The following TPO variants were observed in gnomAD, a reference collection of about 807,000 sequenced individuals.
TPO encodes thyroid peroxidase, also known as thyroid microsomal antigen.
A neutral mutation model predicts 96.9 loss-of-function variants in TPO; 78 were observed. The ratio of observed to expected loss-of-function variants is 0.81; its 90% CI spans 0.67 to 0.97. TPO has a LOEUF of 0.97. TPO is among the 50% of genes least tolerant of loss of function. TPO has a pLI of 0.00. For synonymous variants in TPO, 547 were observed against 538.0 expected (o/e 1.02, Z -0.23); for missense variants, 1,252 against 1,274.8 (o/e 0.98, Z 0.27).
intron 2 of TPO, among the ~76,000 whole-genome samples, chr2:1,418,234 G>A (rs1479840959): frequency 1.3e-5 from 2 of 149,170 alleles, no homozygotes; most frequent in Admixed American, 1.3e-4. Flanking sequence ...TTGCAGAGTC[G>A]AGATCACACC....
upstream of TPO, among the ~76,000 whole-genome samples, chr2:1,409,113 G>T (rs949041690): frequency 2.6e-5 from 4 of 152,228 alleles, no homozygotes; most frequent in African/African-American, 9.6e-5. Context: ...TCCATGAGAG[G>T]AGCCTCACAT....
Position 1,396,075 on chromosome 2 carries a change from G to A in TPO, n.180+21673G>A, listed in dbSNP as rs543374134. ...GATGCTTCCTGTGAGCTGCCACTAA[G>A]CTCTGCTCTGCTGGAAGCTCACGTG... On this transcript the variant is annotated intron_variant and non_coding_transcript_variant, in intron 1 of 5. Coordinates refer to the TPO transcript ENST00000497517. 2.0e-5 allele frequency among the ~76,000 whole-genome samples: 3 copies of A among 152,352 alleles called. No individual in the cohort carries two copies. In the East Asian group the frequency reaches 5.8e-4, roughly 29 times the overall value.
At chr2:1,504,270 C>T (rs942365950) in intron 14 of TPO, among the ~76,000 whole-genome samples, 191 bp downstream of exon 14, 6 of 152,206 alleles carry the variant, frequency 3.9e-5, no homozygotes, top group Admixed American at 3.9e-4. Context: ...CTTCGTGTGC[C>T]TGCTGTCTGC....
At chr2:1,452,264 T>C (rs1667375419) in intron 5 of TPO, among the ~76,000 whole-genome samples, 1 of 152,234 alleles carries the variant, frequency 6.6e-6, no homozygotes, top group East Asian at 1.9e-4. Flanking sequence ...TGCATAGAGA[T>C]AAATATTTAT....
chr2:1,503,823 C>T, intron 13 of TPO, 125 bp from the exon 14 acceptor site: 2 of 1,569,076 alleles, frequency 1.3e-6, no homozygotes, highest in Middle Eastern at 3.3e-4. Flanking sequence ...CCCCCTAGAC[C>T]AGGTGGGATG....
chr2:1,523,779 C>G (rs1220597186), intron 15 of TPO, among the ~76,000 whole-genome samples: 6 of 118,664 alleles, frequency 5.1e-5, no homozygotes, highest in Non-Finnish European at 8.5e-5. Context: ...GCAACCTCTT[C>G]TAATCCCCTC....
chr2:1,499,478 G>C (rs996855397), intron 13 of TPO, among the ~76,000 whole-genome samples: 5 of 152,084 alleles, frequency 3.3e-5, no homozygotes, highest in Non-Finnish European at 5.9e-5. Context: ...AGGGTGCAGG[G>C]GCCTGTCTCG....
At chr2:1,542,386 C>T (rs775295266) in intron 16 of TPO, 35 bp from the exon 17 acceptor site, 1 of 1,613,432 alleles carries the variant, frequency 6.2e-7, no homozygotes, top group East Asian at 2.2e-5. Flanking sequence ...AGTCAGAATT[C>T]AGACGTTATT....
chr2:1,424,712 T>C (rs4481033), intron 3 of TPO, among the ~76,000 whole-genome samples: 73,858 of 152,016 alleles, frequency 0.49, 18,333 homozygotes, highest in Middle Eastern at 0.57. Flanking sequence ...CCTTAAGAAA[T>C]ACTGTTTCTA....
At position 1,433,541 on chromosome 2, in the gene TPO, G is replaced by A; in HGVS notation, c.283G>A (p.Glu95Lys). Reference sequence around the variant, plus strand: ...GATTGCCCGAGCAGCAGAGATAATGGAAACATCAATACAAGCGATGAAAAG... The same window carrying A: ...GATTGCCCGAGCAGCAGAGATAATGAAAACATCAATACAAGCGATGAAAAG... ...GVIARAAEIM[E>K]TSIQAMKRKV... The change falls in exon 4 of 17, where the codon GAA (glutamate) becomes AAA (lysine). Residue 95 changes from glutamate (E) to lysine (K), a missense_variant. By Grantham distance (56) the Glu-to-Lys change is moderately conservative. Coordinates refer to ENST00000329066, the MANE Select transcript of TPO (RefSeq NM_001206744.2). 6.2e-7 allele frequency: 1 copy of A among 1,614,110 alleles called. No homozygotes were observed.
At chr2:1,488,473 T>C (rs911453022) in intron 10 of TPO, among the ~76,000 whole-genome samples, 5 of 151,886 alleles carry the variant, frequency 3.3e-5, no homozygotes, top group South Asian at 2.1e-4. Context: ...AGCAGCCCCC[T>C]GTGCTCCCCA....
chr2:1,433,249 C>T (rs950375470), intron 3 of TPO, among the ~76,000 whole-genome samples, 189 bp from the exon 4 acceptor site: 5 of 152,160 alleles, frequency 3.3e-5, no homozygotes, highest in Non-Finnish European at 7.3e-5. Context: ...CACCCTATTC[C>T]TGTTCCTAAA....
chr2:1,451,536 A>G (rs1464004651), intron 5 of TPO, among the ~76,000 whole-genome samples: 1 of 152,150 alleles, frequency 6.6e-6, no homozygotes, highest in Non-Finnish European at 1.5e-5. Flanking sequence ...CCTGCATCCT[A>G]GTCACGCCTG....
chr2:1,537,065 CCACTGTGTGCAACCTCACCAAATCCGT>C (rs1354080611), intron 15 of TPO, among the ~76,000 whole-genome samples: 17 of 94,976 alleles, frequency 1.8e-4, no homozygotes, highest in East Asian at 4.9e-4. Context: ...CAAATCCCTG[CCACTGTGTGCAACCTCACCAAATCCGT>C]CCACTGTGTG....
chr2:1,459,512 C>G (rs924681830), intron 7 of TPO, among the ~76,000 whole-genome samples: 3 of 152,186 alleles, frequency 2.0e-5, no homozygotes, highest in African/African-American at 7.2e-5. Context: ...CTCTAACATT[C>G]ATTCAATAAA....
At chr2:1,402,477 C>T (rs992509230) in intron 1 of TPO, among the ~76,000 whole-genome samples, 13 of 152,098 alleles carry the variant, frequency 8.5e-5, no homozygotes, top group Non-Finnish European at 1.5e-4. Context: ...TTTCCTGTTT[C>T]CTCAGTGAAT....
intron 1 of TPO, among the ~76,000 whole-genome samples, chr2:1,377,940 G>A (rs1176306079): frequency 1.3e-5 from 2 of 152,154 alleles, no homozygotes; most frequent in Admixed American, 6.5e-5. Flanking sequence ...TTCCACTTGT[G>A]GTGGGAGGGA....
intron 7 of TPO, among the ~76,000 whole-genome samples, chr2:1,476,155 G>C (rs539033414): frequency 4.9e-4 from 75 of 152,274 alleles, no homozygotes; most frequent in African/African-American, 1.7e-3. Flanking sequence ...TATTTTCACT[G>C]GTAATAATAA....
At chr2:1,443,195 G>T (rs1666362935) in intron 5 of TPO, among the ~76,000 whole-genome samples, 1 of 152,132 alleles carries the variant, frequency 6.6e-6, no homozygotes, top group Admixed American at 6.5e-5. Flanking sequence ...GTATGGTGTA[G>T]GCAATGCCGC....
Sources: allele counts gnomAD v4.1 joint callset (sites outside exome capture counted in the v4.1 genomes callset), GRCh38; gene constraint gnomAD v4.1.1; transcripts MANE v1.5; gene names NCBI Gene and HGNC (gene_info 2026-07-23, HGNC 2026-07-21).